The following AGAP1 variants were observed in gnomAD, a reference collection of about 807,000 sequenced individuals.
AGAP1 encodes arf-GAP with GTPase, ANK repeat and PH domain-containing protein 1.
AGAP1 carries 29 observed loss-of-function variants against 105.3 expected under a neutral mutation model. The ratio of observed to expected loss-of-function variants is 0.28; its 90% CI spans 0.21 to 0.38. AGAP1 has a LOEUF of 0.38. Ranked by LOEUF, AGAP1 falls within the 10% of genes least tolerant of loss-of-function variation. The probability of loss-of-function intolerance (pLI) is 1.00; values close to 1 mark genes in which losing one functional copy is unlikely to be tolerated. For synonymous variants in AGAP1, 509 were observed against 485.9 expected (o/e 1.05, Z -0.63); for missense variants, 998 against 1,165.1 (o/e 0.86, Z 2.09).
chr2:235,523,706 G>A lies in AGAP1; in HGVS notation c.163+28857G>A, dbSNP rs573740169. Among the ~76,000 whole-genome samples, 646 of 152,258 alleles carry A rather than the reference G, an allele frequency of 4.2e-3. 6 individuals are homozygous for A. Among genetic ancestry groups the A allele is most frequent in the Non-Finnish European group, 7.6e-3 (517 of 68,018 alleles). On this transcript the variant is annotated intron_variant, in intron 1 of 17. Transcript: ENST00000304032. ...GCAGGGGAGGCTGCACAGACATGGCGGGGGGTGGTGGCCAGTGGTCAGGTG... is the reference window on the plus strand; with the variant it reads ...GCAGGGGAGGCTGCACAGACATGGCAGGGGGTGGTGGCCAGTGGTCAGGTG...
chr2:235,791,161 A>G (rs747914326), intron 6 of AGAP1, among the ~76,000 whole-genome samples: 2 of 152,268 alleles, frequency 1.3e-5, no homozygotes, highest in Non-Finnish European at 2.9e-5. Context: ...TGAGATTTTC[A>G]TGGTGAGAAA....
chr2:235,509,213 T>C (rs1287730762), intron 1 of AGAP1, among the ~76,000 whole-genome samples: 1 of 151,434 alleles, frequency 6.6e-6, no homozygotes, highest in Non-Finnish European at 1.5e-5. Context: ...TTTAGAGAAG[T>C]GTTTTTTCTG....
At chr2:235,923,507 G>A (rs2052289290) in intron 11 of AGAP1, among the ~76,000 whole-genome samples, 1 of 126,718 alleles carries the variant, frequency 7.9e-6, no homozygotes, top group African/African-American at 3.3e-5. Flanking sequence ...CCTGTCCCGT[G>A]CACCCCCACC....
chr2:235,566,900 G>C lies in AGAP1; in HGVS notation c.163+72051G>C, dbSNP rs1020748782. 9.2e-5 allele frequency among the ~76,000 whole-genome samples: 14 copies of C among 152,242 alleles called. No individual in the cohort carries two copies. Among genetic ancestry groups the C allele is most frequent in the Admixed American group, 9.2e-4 (14 of 15,294 alleles). On this transcript the variant is annotated intron_variant, in intron 1 of 17. Transcript: ENST00000304032. This position sits in a 1 kb window ranked among gnomAD's most constrained non-coding sequence, Gnocchi z 5.2. Reference sequence around the variant, plus strand: ...TGTGCCCAGAGCTGTGCTCCCTCCAGAGGATAGAGCAGGATTCCTCCTAGC... The same window carrying C: ...TGTGCCCAGAGCTGTGCTCCCTCCACAGGATAGAGCAGGATTCCTCCTAGC...
chr2:235,584,742 G>A (rs1945046359), intron 1 of AGAP1, among the ~76,000 whole-genome samples: 1 of 151,906 alleles, frequency 6.6e-6, no homozygotes, highest in Admixed American at 6.6e-5. Flanking sequence ...GATTACAGCA[G>A]TGCTAACCTC....
At position 235,720,605 on chromosome 2, in the gene AGAP1, C is replaced by T. The variant is rs569833589; in HGVS notation, c.310+2961C>T. The T allele has an allele frequency of 2.1e-6, 2 of 937,576 alleles. No homozygotes were observed. Among genetic ancestry groups the T allele is most frequent in the African/African-American group, 3.6e-5 (2 of 56,262 alleles). The allele number at this position is 937,576 out of a possible 1,614,324, so 58.1% of individuals were successfully genotyped here. On this transcript the variant is annotated intron_variant, in intron 3 of 17. Coordinates refer to ENST00000304032, the MANE Select transcript of AGAP1 (RefSeq NM_001037131.3). The surrounding 1 kb of genome is among the most constrained non-coding windows in gnomAD (Gnocchi z 5.0). ...ACTGCTAGAGCGATCAACTGGGCAG[C>T]TACTTTGAATGAAAGGCATTTTGCT...
intron 1 of AGAP1, among the ~76,000 whole-genome samples, chr2:235,629,982 T>C (rs1396814522): frequency 1.3e-5 from 2 of 152,104 alleles, no homozygotes; most frequent in East Asian, 3.8e-4. Flanking sequence ...TAAAGTATCA[T>C]CTTCAAAGCA....
At chr2:235,595,197 G>A (rs1945485389) in intron 1 of AGAP1, among the ~76,000 whole-genome samples, 1 of 152,190 alleles carries the variant, frequency 6.6e-6, no homozygotes, top group South Asian at 2.1e-4. Flanking sequence ...GGGAAGGGGA[G>A]GAAAACTGAA....
Position 236,001,126 on chromosome 2 carries a change from A to C in AGAP1, c.1645+32503A>C, listed in dbSNP as rs2056102120. Among the ~76,000 whole-genome samples, 1 of 152,158 alleles carries C rather than the reference A, an allele frequency of 6.6e-6. No individual in the cohort carries two copies. Among genetic ancestry groups the C allele is most frequent in the African/African-American group, 2.4e-5 (1 of 41,432 alleles). ...CTCAGAGGCGAGACGGACGTACAGG[A>C]AACACCACATGGAGACTCTGGCGGT... On this transcript the variant is annotated intron_variant, in intron 13 of 17. Transcript: ENST00000304032. This position sits in a 1 kb window ranked among gnomAD's most constrained non-coding sequence, Gnocchi z 4.7.
rs1559554798 is a variant in AGAP1, at chr2:235,845,158, T to C, written c.1050+37827T>C. ...GAGAACTGTAGATGGGGCTGAAGCT[T>C]AGTCCCAAGAGCCACACATGTCAAG... On this transcript the variant is annotated intron_variant, in intron 9 of 17. Transcript: ENST00000304032. This position sits in a 1 kb window ranked among gnomAD's most constrained non-coding sequence, Gnocchi z 4.8. 6.6e-6 allele frequency among the ~76,000 whole-genome samples: 1 copy of C among 152,118 alleles called. No homozygotes were observed. Among genetic ancestry groups the C allele is most frequent in the Non-Finnish European group, 1.5e-5 (1 of 68,032 alleles).
Position 235,799,599 on chromosome 2 carries a change from G to A in AGAP1, c.957+77G>A. ...TTAACGTAAACCTGGTTGCCACATGGTTCAGTGGTATTTGTAGAATCTCAA... is the reference window on the plus strand; with the variant it reads ...TTAACGTAAACCTGGTTGCCACATGATTCAGTGGTATTTGTAGAATCTCAA... On this transcript the variant is annotated intron_variant, in intron 8 of 17. Coordinates refer to ENST00000304032, the MANE Select transcript of AGAP1 (RefSeq NM_001037131.3). The surrounding 1 kb of genome is among the most constrained non-coding windows in gnomAD (Gnocchi z 5.0). 6.7e-7 allele frequency: 1 copy of A among 1,486,804 alleles called. No individual in the cohort carries two copies. Among genetic ancestry groups the A allele is most frequent in the Non-Finnish European group, 9.2e-7 (1 of 1,084,288 alleles). The allele number at this position is 1,486,804 out of a possible 1,614,324, so 92.1% of individuals were successfully genotyped here.
chr2:235,964,588 G>T lies in AGAP1; in HGVS notation c.1484-3874G>T, dbSNP rs550905480. 1.3e-5 allele frequency among the ~76,000 whole-genome samples: 2 copies of T among 152,264 alleles called. No homozygotes were observed. Among genetic ancestry groups the T allele is most frequent in the East Asian group, 3.9e-4 (2 of 5,174 alleles). ...TTTAGAATCAGGTAATGATCTTGGG[G>T]TCTCTGGATGCCCCACCCCCTGAAC... On this transcript the variant is annotated intron_variant, in intron 12 of 17. Transcript: ENST00000304032. This position sits in a 1 kb window ranked among gnomAD's most constrained non-coding sequence, Gnocchi z 4.6.
rs1028225426 is a variant in AGAP1, at chr2:236,061,213, C to T, written c.2114+11932C>T. 2.6e-5 allele frequency among the ~76,000 whole-genome samples: 4 copies of T among 152,312 alleles called. No individual in the cohort carries two copies. The highest frequency in any genetic ancestry group is 1.9e-4 in the East Asian group (1 of 5,184). ...AGATCACCCTTGAGCCCCCACCGCACGTGCTCTTGGACGGTCGTGGCAAGT... is the reference window on the plus strand; with the variant it reads ...AGATCACCCTTGAGCCCCCACCGCATGTGCTCTTGGACGGTCGTGGCAAGT... On this transcript the variant is annotated intron_variant, in intron 16 of 17. Coordinates refer to ENST00000304032, the MANE Select transcript of AGAP1 (RefSeq NM_001037131.3). This position sits in a 1 kb window ranked among gnomAD's most constrained non-coding sequence, Gnocchi z 4.1.
chr2:235,835,341 C>T (rs1408155268), intron 9 of AGAP1, among the ~76,000 whole-genome samples: 1 of 152,210 alleles, frequency 6.6e-6, no homozygotes, highest in East Asian at 1.9e-4. Flanking sequence ...TCCCAGCCAT[C>T]AACTTTCTTG....
chr2:235,631,797 G>A lies in AGAP1; in HGVS notation c.164-77382G>A, dbSNP rs542532776. 6.6e-6 allele frequency among the ~76,000 whole-genome samples: 1 copy of A among 152,336 alleles called. No homozygotes were observed. Among genetic ancestry groups the A allele is most frequent in the Non-Finnish European group, 1.5e-5 (1 of 68,024 alleles). ...CTAATTAAGTTCCGGCTGTTGTGAC[G>A]GTCTCCTCGGCTGGGTGGCCCTTCC... On this transcript the variant is annotated intron_variant, in intron 1 of 17. Transcript: ENST00000304032. This position sits in a 1 kb window ranked among gnomAD's most constrained non-coding sequence, Gnocchi z 5.4.
At chr2:235,628,331 C>T (rs1422804947) in intron 1 of AGAP1, among the ~76,000 whole-genome samples, 1 of 152,194 alleles carries the variant, frequency 6.6e-6, no homozygotes, top group Non-Finnish European at 1.5e-5. Flanking sequence ...GATACTGAGC[C>T]TGACCACTGC....
rs1425197222 is a variant in AGAP1, at chr2:236,089,204, A to G, written c.2115-30988A>G. 6.6e-6 allele frequency among the ~76,000 whole-genome samples: 1 copy of G among 152,248 alleles called. No homozygotes were observed. Among genetic ancestry groups the G allele is most frequent in the Non-Finnish European group, 1.5e-5 (1 of 68,048 alleles). ...TGGATGAGGTCTTTTCAAAGCACAT[A>G]CAGTTGTGTGATTTTTATTTCCCCA... On this transcript the variant is annotated intron_variant, in intron 16 of 17. Transcript: ENST00000304032. The surrounding 1 kb of genome is among the most constrained non-coding windows in gnomAD (Gnocchi z 5.6).
Position 235,651,216 on chromosome 2 carries a change from A to AAG in AGAP1, c.164-57959_164-57958dup, listed in dbSNP as rs1261882697. 3.7e-5 allele frequency among the ~76,000 whole-genome samples: 5 copies of AAG among 136,860 alleles called. No homozygotes were observed. The South Asian group carries it at 7.2e-4, about 20-fold the overall frequency. The allele number at this position is 136,860 out of a possible 152,430, so 89.8% of individuals were successfully genotyped here. A position where few individuals can be genotyped will look rare whatever the true frequency, so the allele number is the denominator to read the frequency against. On this transcript the variant is annotated intron_variant, in intron 1 of 17. Coordinates refer to ENST00000304032, the MANE Select transcript of AGAP1 (RefSeq NM_001037131.3). ...AAAAAAAAAAAAAAAAAAAAAAAAA[A>AAG]AGAGACACCCTTGCAGGCAGTGGTC...
At chr2:235,783,991 CGGATGGATGGGTGGAT>C (rs1956448597) in intron 6 of AGAP1, among the ~76,000 whole-genome samples, 1 of 147,730 alleles carries the variant, frequency 6.8e-6, no homozygotes, top group Non-Finnish European at 1.5e-5. Flanking sequence ...GATGGACGGA[CGGATGGATGGGTGGAT>C]AGATATATAA....
Sources: gnomAD v4.1 joint callset for allele counts (sites outside exome capture counted in the v4.1 genomes callset) on GRCh38, gnomAD v4.1.1 for gene constraint, Gnocchi (gnomAD v3.1) non-coding constraint, MANE v1.5 for transcripts, NCBI Gene and HGNC (gene_info 2026-07-23, HGNC 2026-07-21) for gene names.